GLIS3: variants seen among roughly 807,000 people sequenced by gnomAD.
GLIS3 encodes the protein GLIS family zinc finger 3.
In GLIS3, 53 loss-of-function variants were observed where a neutral mutation model predicts 78.6. The observed-to-expected ratio is 0.67, with a 90% CI of 0.54 to 0.85. The LOEUF is 0.85. Ranked by LOEUF, GLIS3 falls within the 40% of genes least tolerant of loss-of-function variation. The pLI, the probability that GLIS3 is intolerant of heterozygous loss-of-function variation, is 0.00. For synonymous variants in GLIS3, 684 were observed against 509.9 expected (o/e 1.34, Z -4.60); for missense variants, 1,703 against 1,231.1 (o/e 1.38, Z -5.74).
chr9:4,001,998 G>A (rs1224254339), intron 4 of GLIS3, among the ~76,000 whole-genome samples: 1 of 152,200 alleles, frequency 6.6e-6, no homozygotes, highest in Non-Finnish European at 1.5e-5. Flanking sequence ...CCTATGCCCA[G>A]ACTCTGTGGA....
chr9:4,167,168 G>C (rs1290536025), intron 2 of GLIS3, among the ~76,000 whole-genome samples: 2 of 152,194 alleles, frequency 1.3e-5, no homozygotes, highest in South Asian at 2.1e-4. Context: ...GGATAAGGGA[G>C]TTGCCCAAGA....
chr9:4,395,566 T>C, the GLIS3 span, among the ~76,000 whole-genome samples: 8 of 152,260 alleles, frequency 5.3e-5, no homozygotes, highest in South Asian at 1.2e-3. Context: ...GGGAAGGTGA[T>C]ACCTCTCCTT....
chr9:3,860,298 A>C (rs1820115224), intron 8 of GLIS3, among the ~76,000 whole-genome samples: 1 of 144,366 alleles, frequency 6.9e-6, no homozygotes, highest in Non-Finnish European at 1.5e-5. Flanking sequence ...AAAAAAAAAA[A>C]AAAAACCTCT....
rs1395207276 is a variant in GLIS3 at position 3,827,838 on chromosome 9, C to G, written c.*434G>C. 1 of 256,422 alleles carries G rather than the reference C, an allele frequency of 3.9e-6. No homozygotes were observed. Among genetic ancestry groups the G allele is most frequent in the Non-Finnish European group, 7.6e-6 (1 of 130,806 alleles). 15.9% of individuals were successfully genotyped at this position (256,422 alleles called of 1,614,324 possible). A position where few individuals can be genotyped will look rare whatever the true frequency, so the allele number is the denominator to read the frequency against. ...GTTGTGCCTGGCTTTGCATCAGGAG[C>G]AGCAAGGGTGAGGATTAGGTGAGGC... On this transcript the variant is annotated 3_prime_UTR_variant, in exon 11 of 11. Transcript: ENST00000381971.
chr9:3,867,499 A>G (rs529213545), intron 8 of GLIS3, among the ~76,000 whole-genome samples: 1 of 152,368 alleles, frequency 6.6e-6, no homozygotes, highest in East Asian at 1.9e-4. Flanking sequence ...AAGCTTAAAG[A>G]CTGGCTGGCC....
rs942925324 is a variant in GLIS3, at chr9:3,892,838, A to G, written c.2128+5853T>C. Among the ~76,000 whole-genome samples, 3 of 152,298 alleles carry G rather than the reference A, an allele frequency of 2.0e-5. No individual in the cohort carries two copies. In the South Asian group the frequency reaches 6.2e-4, roughly 32 times the overall value. ...ATTAGCTTCTCATTTCAGAAATTTT[A>G]TCCTGAATTCTCTGTTTTGCCACCT... On this transcript the variant is annotated intron_variant, in intron 7 of 10. Coordinates refer to ENST00000381971, the MANE Select transcript of GLIS3 (RefSeq NM_001042413.2).
At chr9:4,002,492 C>T (rs1027253038) in intron 4 of GLIS3, among the ~76,000 whole-genome samples, 2 of 152,182 alleles carry the variant, frequency 1.3e-5, no homozygotes, top group African/African-American at 2.4e-5. Context: ...TTGTTCTAGG[C>T]CCTACATAAT....
In GLIS3 at chr9:4,286,098, G is replaced by T. The variant is rs1452239335; in HGVS notation, c.328C>A (p.His110Asn). The T allele has an allele frequency of 6.2e-7, 1 of 1,613,532 alleles. No homozygotes were observed. Among genetic ancestry groups the T allele is most frequent in the Non-Finnish European group, 8.5e-7 (1 of 1,179,654 alleles). The change falls in exon 2 of 11, where the codon CAT becomes AAT. Residue 110 changes from histidine to asparagine, a missense_variant. By Grantham distance (68) the His-to-Asn change is moderately conservative. Transcript: ENST00000381971. ...TCCTGCTGCTTTGGCTTTAAAGTATGTGACCCTGACATGCCTCCAGCCTGG... is the reference window on the plus strand; with the variant it reads ...TCCTGCTGCTTTGGCTTTAAAGTATTTGACCCTGACATGCCTCCAGCCTGG... ...VTQAGGMSGS[H>N]TLKPKQQEFG... is the part of the protein sequence containing the mutation.
chr9:4,094,033 T>C (rs1829738368), intron 4 of GLIS3, among the ~76,000 whole-genome samples: 1 of 152,198 alleles, frequency 6.6e-6, no homozygotes, highest in South Asian at 2.1e-4. Context: ...TTCCTGCAAA[T>C]ATCTGAACTC....
At chr9:3,854,650 C>T (rs1469867224) in intron 9 of GLIS3, among the ~76,000 whole-genome samples, 1 of 151,870 alleles carries the variant, frequency 6.6e-6, no homozygotes, top group African/African-American at 2.4e-5. Context: ...TATTCTCCTG[C>T]CTCAGCCTCC....
At chr9:4,380,874 C>CA in the GLIS3 span, among the ~76,000 whole-genome samples, 1 of 152,132 alleles carries the variant, frequency 6.6e-6, no homozygotes, top group Non-Finnish European at 1.5e-5. Context: ...TCTTATCTCT[C>CA]AAAATGTCTC....
chr9:3,922,726 T>C (rs546124220), intron 6 of GLIS3, among the ~76,000 whole-genome samples: 24 of 152,140 alleles, frequency 1.6e-4, no homozygotes, highest in Admixed American at 1.2e-3. Flanking sequence ...GTAAAGGTGA[T>C]TATAAAAGTA....
intron 2 of GLIS3, among the ~76,000 whole-genome samples, chr9:4,173,063 C>A (rs941072469): frequency 1.3e-5 from 2 of 152,168 alleles, no homozygotes; most frequent in African/African-American, 4.8e-5. Flanking sequence ...CTGTGGGCCA[C>A]ATTCCACCCG....
intron 2 of GLIS3, among the ~76,000 whole-genome samples, chr9:4,191,035 G>A (rs545496874): frequency 2.6e-5 from 4 of 151,792 alleles, no homozygotes; most frequent in South Asian, 2.1e-4. Context: ...TGAAGGAAGC[G>A]CTAAACATGG....
intron 6 of GLIS3, among the ~76,000 whole-genome samples, chr9:3,900,633 C>T (rs1001987200): frequency 6.6e-6 from 1 of 152,000 alleles, no homozygotes; most frequent in African/African-American, 2.4e-5. Flanking sequence ...TATTATGCAA[C>T]CATTAAAATG....
chr9:3,931,536 C>T (rs1271251758), intron 6 of GLIS3, among the ~76,000 whole-genome samples: 4 of 152,130 alleles, frequency 2.6e-5, no homozygotes, highest in Non-Finnish European at 5.9e-5. Context: ...CCAAGATCAG[C>T]TCAACATGTT....
In GLIS3 at chr9:3,939,905, G is replaced by C. The variant is rs62523481; in HGVS notation, c.1711-2716C>G. Among the ~76,000 whole-genome samples, 1,004 of 152,330 alleles carry C rather than the reference G, an allele frequency of 6.6e-3. 6 individuals carry two copies. The highest frequency in any genetic ancestry group is 0.014 in the South Asian group (66 of 4,824). ...CACTAAAGGATTGATAAATGCCTTG[G>C]TGAGGTGCCAAATATCCAACTCATC... is the stretch of plus-strand genomic sequence containing the variant. On this transcript the variant is annotated intron_variant, in intron 4 of 10. Coordinates refer to ENST00000381971, the MANE Select transcript of GLIS3 (RefSeq NM_001042413.2).
At chr9:4,297,641 C>A (rs1194000455) in intron 1 of GLIS3, among the ~76,000 whole-genome samples, 3 of 152,176 alleles carry the variant, frequency 2.0e-5, no homozygotes, top group Admixed American at 6.5e-5. Flanking sequence ...CCTGTCTCTA[C>A]GGACCCTACT....
chr9:3,889,597 C>A (rs1403530180), intron 7 of GLIS3, among the ~76,000 whole-genome samples: 1 of 152,152 alleles, frequency 6.6e-6, no homozygotes, highest in African/African-American at 2.4e-5. Context: ...TTCAATTAAT[C>A]CACTTTATGG....
Sources: allele counts gnomAD v4.1 joint callset (sites outside exome capture counted in the v4.1 genomes callset), GRCh38; gene constraint gnomAD v4.1.1; transcripts MANE v1.5; gene names NCBI Gene and HGNC (gene_info 2026-07-23, HGNC 2026-07-21).